Variants in MACROD2 observed in about 807,000 individuals in gnomAD.
The protein encoded by MACROD2 is ADP-ribose glycohydrolase MACROD2.
MACROD2 carries 36 observed loss-of-function variants against 70.4 expected under a neutral mutation model. The observed-to-expected ratio is 0.51, with a 90% confidence interval of 0.39 to 0.68. The LOEUF is 0.68. MACROD2 is among the 30% of genes least tolerant of loss of function. The pLI is 0.00. For synonymous variants in MACROD2, 172 were observed against 178.8 expected (o/e 0.96, Z 0.30); for missense variants, 496 against 538.4 (o/e 0.92, Z 0.78).
chr20:15,592,920 T>C (rs1330495353), intron 8 of MACROD2, among the ~76,000 whole-genome samples: 1 of 152,144 alleles, frequency 6.6e-6, no homozygotes, highest in African/African-American at 2.4e-5. Context: ...GAAGCAAATA[T>C]TACATTGGTG....
chr20:14,991,685 C>A (rs1165420303), intron 5 of MACROD2, among the ~76,000 whole-genome samples: 1 of 152,126 alleles, frequency 6.6e-6, no homozygotes, highest in African/African-American at 2.4e-5. Context: ...AATTCCCTTT[C>A]AAAATAGATC....
chr20:15,279,938 G>A (rs1432192873), intron 6 of MACROD2, among the ~76,000 whole-genome samples: 1 of 152,112 alleles, frequency 6.6e-6, no homozygotes, highest in African/African-American at 2.4e-5. Context: ...AAACCTTGAG[G>A]TCAAGGACTT....
intron 6 of MACROD2, among the ~76,000 whole-genome samples, chr20:15,406,044 G>A (rs1600365582): frequency 6.6e-6 from 1 of 152,236 alleles, no homozygotes; most frequent in East Asian, 1.9e-4. Flanking sequence ...AAAGACATAC[G>A]CCGTTAGGGA....
At chr20:15,042,547 A>G (rs2075364135) in intron 5 of MACROD2, among the ~76,000 whole-genome samples, 1 of 152,164 alleles carries the variant, frequency 6.6e-6, no homozygotes, top group Non-Finnish European at 1.5e-5. Context: ...TGGAAGAAAC[A>G]TCTCATTCTA....
intron 3 of MACROD2, among the ~76,000 whole-genome samples, chr20:14,108,771 T>A (rs2054406372): frequency 6.6e-6 from 1 of 152,154 alleles, no homozygotes; most frequent in Non-Finnish European, 1.5e-5. Context: ...CAGCAAATAC[T>A]ATTATTAGAG....
At chr20:14,993,537 A>T (rs1473976922) in intron 5 of MACROD2, among the ~76,000 whole-genome samples, 1 of 152,206 alleles carries the variant, frequency 6.6e-6, no homozygotes, top group Non-Finnish European at 1.5e-5. Flanking sequence ...AGTTAGAGAT[A>T]AAACAATTAT....
intron 3 of MACROD2, among the ~76,000 whole-genome samples, chr20:14,179,698 G>A (rs1450841570): frequency 1.3e-5 from 2 of 152,102 alleles, no homozygotes; most frequent in Non-Finnish European, 2.9e-5. Flanking sequence ...CTTGTTTGGG[G>A]ACGTTTTACC....
intron 6 of MACROD2, among the ~76,000 whole-genome samples, chr20:15,258,686 C>T (rs1187399505): frequency 6.6e-6 from 1 of 152,022 alleles, no homozygotes; most frequent in Non-Finnish European, 1.5e-5. Flanking sequence ...TTAACCAATG[C>T]ATGATGACAG....
intron 4 of MACROD2, among the ~76,000 whole-genome samples, chr20:14,497,405 A>G (rs960821297): frequency 2.6e-5 from 4 of 151,870 alleles, no homozygotes; most frequent in Admixed American, 6.5e-5. Flanking sequence ...AATATAAATC[A>G]TTGTAGCCAG....
chr20:14,801,930 T>G (rs920520402), intron 5 of MACROD2, among the ~76,000 whole-genome samples: 4 of 152,074 alleles, frequency 2.6e-5, no homozygotes, highest in African/African-American at 9.7e-5. Flanking sequence ...TGTAGAAACC[T>G]CTCTCTTAAG....
chr20:14,734,471 A>G (rs1358249208), intron 5 of MACROD2, among the ~76,000 whole-genome samples: 1 of 151,410 alleles, frequency 6.6e-6, no homozygotes, highest in Non-Finnish European at 1.5e-5. Flanking sequence ...ACTGCACTCC[A>G]GCCTGGGTAA....
chr20:15,885,995 G>A (rs925277691), intron 10 of MACROD2, among the ~76,000 whole-genome samples, 184 bp downstream of exon 10: 36 of 152,272 alleles, frequency 2.4e-4, no homozygotes, highest in Non-Finnish European at 4.4e-4. Flanking sequence ...TGTATTTAAG[G>A]AATAAATTTG....
chr20:15,690,313 GA>G (rs1412715069), intron 8 of MACROD2, among the ~76,000 whole-genome samples: 3 of 152,186 alleles, frequency 2.0e-5, no homozygotes, highest in Non-Finnish European at 4.4e-5. Flanking sequence ...GGGACAAAAG[GA>G]AGGGAAAAAT....
chr20:15,471,565 C>G lies in MACROD2; in HGVS notation c.572-28209C>G, dbSNP rs528267455. 2.0e-5 allele frequency among the ~76,000 whole-genome samples: 3 copies of G among 152,216 alleles called. No homozygotes were observed. The South Asian group carries it at 6.2e-4, about 32-fold the overall frequency. On this transcript the variant is annotated intron_variant, in intron 7 of 17. Coordinates refer to ENST00000684519, the MANE Select transcript of MACROD2 (RefSeq NM_001351661.2). Reference sequence around the variant, plus strand: ...TTCCCACACCTGTGGGTTTTCAGGTCGTAATAAAGCCTCCACTGCTGACCT... The same window carrying G: ...TTCCCACACCTGTGGGTTTTCAGGTGGTAATAAAGCCTCCACTGCTGACCT...
At chr20:14,409,888 T>C (rs1248275689) in intron 3 of MACROD2, among the ~76,000 whole-genome samples, 1 of 152,098 alleles carries the variant, frequency 6.6e-6, no homozygotes, top group East Asian at 1.9e-4. Context: ...AGAAGAAACA[T>C]GAAAGTATAG....
chr20:15,198,257 C>A (rs2076624195), intron 5 of MACROD2, among the ~76,000 whole-genome samples: 1 of 152,182 alleles, frequency 6.6e-6, no homozygotes, highest in Non-Finnish European at 1.5e-5. Context: ...ACGCACCCAG[C>A]CTCTCAGCCT....
chr20:14,469,255 C>T (rs1002023652), intron 3 of MACROD2, among the ~76,000 whole-genome samples: 1 of 152,062 alleles, frequency 6.6e-6, no homozygotes, highest in African/African-American at 2.4e-5. Flanking sequence ...GAATATTGGC[C>T]CCCACTCTCT....
chr20:15,224,998 T>C (rs577050139), intron 5 of MACROD2, among the ~76,000 whole-genome samples: 3 of 151,580 alleles, frequency 2.0e-5, no homozygotes, highest in African/African-American at 7.2e-5. Context: ...CTATCCTACG[T>C]TACCACTTTA....
intron 2 of MACROD2, among the ~76,000 whole-genome samples, chr20:14,082,122 G>A (rs566233710): frequency 6.6e-6 from 1 of 151,262 alleles, no homozygotes; most frequent in South Asian, 2.1e-4. Flanking sequence ...ACAACTGAAC[G>A]GTGGTATAAA....
Sources: allele counts gnomAD v4.1 joint callset (sites outside exome capture counted in the v4.1 genomes callset), GRCh38; gene constraint gnomAD v4.1.1; transcripts MANE v1.5; gene names NCBI Gene and HGNC (gene_info 2026-07-23, HGNC 2026-07-21).